TRRAP: variants seen among roughly 807,000 people sequenced by gnomAD.
The protein encoded by TRRAP is transformation/transcription domain-associated protein.
TRRAP carries 41 observed loss-of-function variants against 438.8 expected under a neutral mutation model. The ratio of observed to expected loss-of-function variants is 0.09; its 90% CI spans 0.07 to 0.12. The LOEUF (loss-of-function observed/expected upper bound fraction) is 0.12, where lower values mean the gene tolerates loss of function less well. TRRAP is among the 10% of genes least tolerant of loss of function. The pLI is 1.00. For synonymous variants in TRRAP, 1,994 were observed against 1,962.9 expected, an observed-to-expected ratio of 1.02 and a Z score of -0.42; for missense variants, 3,122 against 5,055.1, an observed-to-expected ratio of 0.62 and a Z score of 11.60.
chr7:98,880,247 T>TTTG (rs1380050615), intron 1 of TRRAP, among the ~76,000 whole-genome samples: 12 of 120,094 alleles, frequency 1.0e-4, no homozygotes, highest in South Asian at 3.3e-4. Context: ...CTGCCTGCGT[T>TTTG]TTGTTGTTGT....
Position 98,931,440 on chromosome 7 carries a change from G to T in TRRAP, c.3627G>T (p.Thr1209=). ...SNGAVAMAKT[T]LEQLLMRCAT... ...GGGCAGTCGCTATGGCAAAGACCAC[G>T]CTGGAGCAGCTTCTGATGCGGTGCG... The change falls in exon 26 of 73, where the codon ACG becomes ACT. Residue 1209 remains threonine, a synonymous_variant. Transcript: ENST00000456197. 5 of 1,614,102 alleles carry T rather than the reference G, an allele frequency of 3.1e-6. No individual in the cohort carries two copies. The highest frequency in any genetic ancestry group is 4.2e-6 in the Non-Finnish European group (5 of 1,180,028).
intron 58 of TRRAP, among the ~76,000 whole-genome samples, chr7:98,981,491 T>C (rs901515693): frequency 2.0e-5 from 3 of 152,220 alleles, no homozygotes; most frequent in Admixed American, 1.3e-4. Flanking sequence ...ATCAGTTTCT[T>C]TTCTTTGGAA....
chr7:98,940,814 G>T (rs1790764701), intron 30 of TRRAP, among the ~76,000 whole-genome samples: 1 of 152,182 alleles, frequency 6.6e-6, no homozygotes, highest in African/African-American at 2.4e-5. Flanking sequence ...GCCAGAGGCA[G>T]TGGTAAGGGA....
chr7:98,899,874 T>TA, intron 10 of TRRAP, 107 bp downstream of exon 10: 1 of 1,180,642 alleles, frequency 8.5e-7, no homozygotes. Context: ...AAAATTTTGG[T>TA]AAAATTATAT....
chr7:99,009,058 C>T (rs1022446233), intron 70 of TRRAP, among the ~76,000 whole-genome samples: 2 of 152,154 alleles, frequency 1.3e-5, no homozygotes, highest in African/African-American at 4.8e-5. Context: ...CCAGCTGTTT[C>T]GGTTGCCTGA....
intron 30 of TRRAP, among the ~76,000 whole-genome samples, chr7:98,940,211 C>T (rs983472878): frequency 1.3e-5 from 2 of 151,834 alleles, no homozygotes; most frequent in African/African-American, 4.8e-5. Flanking sequence ...GTTTATGAGA[C>T]AGAGTCTCAC....
Position 98,906,312 on chromosome 7 carries a change from G to A in TRRAP, c.1115+57G>A. 7 of 1,419,932 alleles carry A rather than the reference G, an allele frequency of 4.9e-6. No homozygotes were observed. The South Asian group carries it at 8.4e-5, about 17-fold the overall frequency. 88.0% of individuals were successfully genotyped at this position (1,419,932 alleles called of 1,614,324 possible). ...TTAAATGCCAGGAGCATCAGTTACT[G>A]GCACTTCATGTTACAAGTGTTTCAA... On this transcript the variant is annotated intron_variant, in intron 13 of 72. Coordinates refer to ENST00000456197, the MANE Select transcript of TRRAP (RefSeq NM_001375524.1).
intron 51 of TRRAP, among the ~76,000 whole-genome samples, chr7:98,968,787 C>T (rs944949510): frequency 1.3e-5 from 2 of 152,200 alleles, no homozygotes; most frequent in African/African-American, 2.4e-5. Context: ...GCCGGATGGG[C>T]GTTCTCTTGG....
chr7:98,936,701 A>C (rs1388208607), intron 28 of TRRAP, among the ~76,000 whole-genome samples: 1 of 152,122 alleles, frequency 6.6e-6, no homozygotes, highest in Non-Finnish European at 1.5e-5. Context: ...TACCCTATGA[A>C]GGTGTCCTGG....
intron 3 of TRRAP, among the ~76,000 whole-genome samples, chr7:98,886,945 T>C (rs116897806): frequency 5.3e-4 from 80 of 152,296 alleles, no homozygotes; most frequent in Non-Finnish European, 8.1e-4. Context: ...CTATGGAGTA[T>C]AGTACCTATT....
At chr7:98,885,834 G>C (rs1315174121) in intron 3 of TRRAP, among the ~76,000 whole-genome samples, 1 of 152,214 alleles carries the variant, frequency 6.6e-6, no homozygotes, top group Non-Finnish European at 1.5e-5. Flanking sequence ...GTGAGTCAGG[G>C]CACCAAGTGT....
chr7:98,995,651 C>A (rs1793616932), intron 67 of TRRAP, among the ~76,000 whole-genome samples: 1 of 146,946 alleles, frequency 6.8e-6, no homozygotes, highest in South Asian at 2.2e-4. Flanking sequence ...ACAGTATCCC[C>A]CCCCCACCAT....
At chr7:98,898,373 G>T (rs1796319421) in intron 8 of TRRAP, among the ~76,000 whole-genome samples, 1 of 152,174 alleles carries the variant, frequency 6.6e-6, no homozygotes, top group Non-Finnish European at 1.5e-5. Context: ...ATGCTGGCAT[G>T]GTCCGCAGGT....
chr7:98,908,068 C>G lies in TRRAP; in HGVS notation c.1116-660C>G, dbSNP rs1033593959. 6.6e-5 allele frequency among the ~76,000 whole-genome samples: 10 copies of G among 152,222 alleles called. No individual in the cohort carries two copies. The highest frequency in any genetic ancestry group is 2.4e-4 in the African/African-American group (10 of 41,434). On this transcript the variant is annotated intron_variant, in intron 13 of 72. Transcript: ENST00000456197. The surrounding 1 kb of genome is among the most constrained non-coding windows in gnomAD (Gnocchi z 4.1). ...TGGCCCCTTTTTGTCCTTAAGATCT[C>G]AACTTCAGTGCCACCTCAAAGGAAC...
At chr7:98,900,306 C>T (rs1166564078) in intron 10 of TRRAP, among the ~76,000 whole-genome samples, 1 of 152,104 alleles carries the variant, frequency 6.6e-6, no homozygotes, top group Non-Finnish European at 1.5e-5. Flanking sequence ...ATCGCCACGG[C>T]CCTAGTTGGG....
intron 3 of TRRAP, among the ~76,000 whole-genome samples, chr7:98,885,456 T>C (rs1372217140): frequency 2.0e-5 from 3 of 152,024 alleles, no homozygotes; most frequent in Non-Finnish European, 4.4e-5. Flanking sequence ...TTCCGTAAGG[T>C]CTTTTGTATT....
At chr7:98,933,536 C>G in intron 27 of TRRAP, 134 bp downstream of exon 27, 1 of 1,249,530 alleles carries the variant, frequency 8.0e-7, no homozygotes, top group Non-Finnish European at 1.1e-6. Context: ...CCACTGACAC[C>G]TGGCACAGCA....
intron 68 of TRRAP, 140 bp downstream of exon 68, chr7:99,004,555 T>C (rs1289580813): frequency 1.0e-5 from 8 of 781,670 alleles, no homozygotes; most frequent in Non-Finnish European, 1.6e-5. Context: ...GATTCTGGAA[T>C]GTAAGTGGTC....
chr7:98,911,963 G>A (rs1183909930), intron 17 of TRRAP, 59 bp from the exon 18 acceptor site: 1 of 1,486,598 alleles, frequency 6.7e-7, no homozygotes, highest in African/African-American at 1.4e-5. Flanking sequence ...TTACTACTTT[G>A]TCTTAAAACT....
Sources: allele counts gnomAD v4.1 joint callset (sites outside exome capture counted in the v4.1 genomes callset), GRCh38; gene constraint gnomAD v4.1.1; non-coding constraint Gnocchi (gnomAD v3.1); transcripts MANE v1.5; gene names NCBI Gene and HGNC (gene_info 2026-07-23, HGNC 2026-07-21).